The following RALYL variants were observed in gnomAD, a reference collection of about 807,000 sequenced individuals.
The protein encoded by RALYL is RNA-binding Raly-like protein.
Under a neutral mutation model 35.1 loss-of-function variants are expected in RALYL, and 29 were observed. The ratio of observed to expected loss-of-function variants is 0.83; its 90% CI spans 0.61 to 1.13. RALYL has a LOEUF of 1.13. Ranked by LOEUF, RALYL falls within the 50% of genes most tolerant of loss-of-function variation. The probability of loss-of-function intolerance (pLI) is 0.00; values close to 1 mark genes in which losing one functional copy is unlikely to be tolerated. For missense variants in RALYL, 359 were observed against 360.4 expected (o/e 1.00, Z 0.03); for synonymous variants, 120 against 127.6 (o/e 0.94, Z 0.40).
intron 4 of RALYL, among the ~76,000 whole-genome samples, chr8:84,838,341 G>A (rs2134511284): frequency 6.6e-6 from 1 of 152,342 alleles, no homozygotes; most frequent in Admixed American, 6.5e-5. Context: ...AAAGGACTGA[G>A]GAGGGTGGCA....
intron 1 of RALYL, among the ~76,000 whole-genome samples, chr8:84,216,040 G>A (rs1347617493): frequency 1.3e-5 from 2 of 151,952 alleles, no homozygotes; most frequent in Non-Finnish European, 2.9e-5. Context: ...AGTAAACAAT[G>A]CCACATTTTG....
chr8:84,808,943 G>A (rs995649057), intron 4 of RALYL, among the ~76,000 whole-genome samples: 2 of 152,074 alleles, frequency 1.3e-5, no homozygotes, highest in Non-Finnish European at 2.9e-5. Context: ...CAATCATATT[G>A]TTAGTAAACA....
chr8:84,279,685 G>A (rs1426407368), intron 1 of RALYL, among the ~76,000 whole-genome samples: 14 of 152,044 alleles, frequency 9.2e-5, no homozygotes, highest in Non-Finnish European at 1.5e-5. Flanking sequence ...TCAGATTCTA[G>A]AGGCCCTCCC....
chr8:84,300,674 T>C (rs997916083), intron 1 of RALYL, among the ~76,000 whole-genome samples: 1 of 152,062 alleles, frequency 6.6e-6, no homozygotes, highest in Admixed American at 6.6e-5. Flanking sequence ...TTTACCATTA[T>C]GTAATGCCTT....
At chr8:84,218,057 G>A (rs1019317060) in intron 1 of RALYL, among the ~76,000 whole-genome samples, 8 of 151,636 alleles carry the variant, frequency 5.3e-5, no homozygotes, top group Admixed American at 3.3e-4. Flanking sequence ...CATATTTTCT[G>A]AAAAAATATA....
rs143091040 is a variant in RALYL at position 84,751,124 on chromosome 8, G to C, written c.257-23455G>C. ...TAAGTATGAGTGATGGCTTTAGCAG[G>C]CTCCCTTGACAAGTTGGTCAGCCTC... On this transcript the variant is annotated intron_variant, in intron 2 of 8. Coordinates refer to ENST00000521268, the MANE Select transcript of RALYL (RefSeq NM_173848.7). 5.1e-4 allele frequency among the ~76,000 whole-genome samples: 77 copies of C among 152,178 alleles called. No individual in the cohort carries two copies. The East Asian group carries it at 0.012, about 24-fold the overall frequency.
intron 1 of RALYL, among the ~76,000 whole-genome samples, chr8:84,408,934 C>T (rs1230996732): frequency 2.6e-5 from 4 of 151,996 alleles, no homozygotes; most frequent in Non-Finnish European, 5.9e-5. Context: ...GTGCATTAAC[C>T]TTTTAAATAA....
intron 1 of RALYL, among the ~76,000 whole-genome samples, chr8:84,393,396 G>C (rs1861129764): frequency 6.6e-6 from 1 of 152,024 alleles, no homozygotes; most frequent in East Asian, 1.9e-4. Flanking sequence ...TCATCAAAGA[G>C]TGCAGGCTGA....
intron 2 of RALYL, among the ~76,000 whole-genome samples, chr8:84,542,579 C>A (rs2060093525): frequency 1.3e-5 from 2 of 152,006 alleles, no homozygotes; most frequent in Admixed American, 6.6e-5. Flanking sequence ...GCTTTTCCCC[C>A]TTTTGCTTGC....
intron 7 of RALYL, among the ~76,000 whole-genome samples, chr8:84,884,195 T>C (rs1228547970): frequency 6.6e-6 from 1 of 152,034 alleles, no homozygotes; most frequent in Non-Finnish European, 1.5e-5. Context: ...GACAACGATC[T>C]TCTGAGGCAA....
intron 1 of RALYL, among the ~76,000 whole-genome samples, chr8:84,396,607 GTTAA>G (rs1202544007): frequency 6.6e-6 from 1 of 151,956 alleles, no homozygotes; most frequent in African/African-American, 2.4e-5. Context: ...GTTAATTATA[GTTAA>G]TTAAAGAAAA....
intron 1 of RALYL, among the ~76,000 whole-genome samples, chr8:84,367,318 ATTTTTTT>A (rs56387511): frequency 4.0e-4 from 11 of 27,404 alleles, no homozygotes; most frequent in African/African-American, 7.2e-4. Context: ...TAATTTTTGT[ATTTTTTT>A]TTTTTTTTTT....
chr8:84,615,104 C>T (rs1819164919), intron 2 of RALYL, among the ~76,000 whole-genome samples: 1 of 151,620 alleles, frequency 6.6e-6, no homozygotes, highest in South Asian at 2.1e-4. Flanking sequence ...AATATGTGTG[C>T]TTTTTTAAGC....
intron 1 of RALYL, chr8:84,185,177 G>C (rs1162003519): frequency 2.7e-6 from 2 of 738,716 alleles, no homozygotes; most frequent in African/African-American, 1.7e-5. Context: ...ATGATCACTT[G>C]GGTTTAATGT....
chr8:84,901,108 G>A (rs1845613357), intron 8 of RALYL, among the ~76,000 whole-genome samples: 1 of 152,110 alleles, frequency 6.6e-6, no homozygotes, highest in African/African-American at 2.4e-5. Flanking sequence ...ATGATTCCAG[G>A]TCCTTAAGAA....
chr8:84,257,162 G>A (rs1228376781), intron 1 of RALYL, among the ~76,000 whole-genome samples: 1 of 151,592 alleles, frequency 6.6e-6, no homozygotes, highest in Non-Finnish European at 1.5e-5. Flanking sequence ...TGGAGAATTC[G>A]AGATTTTTTT....
At chr8:84,504,472 A>G (rs1344956560) in intron 1 of RALYL, among the ~76,000 whole-genome samples, 1 of 152,146 alleles carries the variant, frequency 6.6e-6, no homozygotes, top group African/African-American at 2.4e-5. Flanking sequence ...ATTACTTTTG[A>G]TAATTTTTGT....
chr8:84,358,770 A>G (rs1248465481), intron 1 of RALYL, among the ~76,000 whole-genome samples: 1 of 152,010 alleles, frequency 6.6e-6, no homozygotes, highest in Admixed American at 6.6e-5. Context: ...GAGAGAATGA[A>G]GAGGTTGTTG....
At chr8:84,373,683 A>T (rs1197636148) in intron 1 of RALYL, among the ~76,000 whole-genome samples, 2 of 151,942 alleles carry the variant, frequency 1.3e-5, no homozygotes. Flanking sequence ...TTTGCATAGG[A>T]TTGCCTTGGC....
Sources: allele counts gnomAD v4.1 joint callset (sites outside exome capture counted in the v4.1 genomes callset), GRCh38; gene constraint gnomAD v4.1.1; transcripts MANE v1.5; gene names NCBI Gene and HGNC (gene_info 2026-07-23, HGNC 2026-07-21).